The following ARFIP1 variants were observed in gnomAD, a reference collection of about 807,000 sequenced individuals.
ARFIP1 encodes the protein arfaptin-1.
A neutral mutation model predicts 42.5 loss-of-function variants in ARFIP1; 24 were observed. That is an observed-to-expected ratio of 0.57 (90% confidence interval 0.41 to 0.80). ARFIP1 has a LOEUF of 0.80. ARFIP1 is among the 30% of genes least tolerant of loss of function. ARFIP1 has a pLI of 0.00. For missense variants in ARFIP1, 354 were observed against 434.0 expected, an observed-to-expected ratio of 0.82 and a Z score of 1.64; for synonymous variants, 141 against 153.7, an observed-to-expected ratio of 0.92 and a Z score of 0.61.
At chr4:152,877,241 G>T (rs1417884174) in intron 5 of ARFIP1, among the ~76,000 whole-genome samples, 1 of 152,160 alleles carries the variant, frequency 6.6e-6, no homozygotes, top group East Asian at 1.9e-4. Flanking sequence ...TGGGAGGAAG[G>T]CTGTACCCTG....
chr4:152,880,964 G>A lies in ARFIP1; in HGVS notation c.413G>A (p.Cys138Tyr). Residue 138 changes from cysteine to tyrosine, a missense_variant and splice_region_variant, in exon 6 of 9, where the codon TGT (cysteine) becomes TAT (tyrosine). By Grantham distance (194) the Cys-to-Tyr change is radical. Coordinates refer to ENST00000353617, the MANE Select transcript of ARFIP1 (RefSeq NM_001025595.3). ...ACAAAATGCATCTTCCACTTTTAGT[G>A]TACTCGACAGATTATCTCTGAGAAG... is the stretch of plus-strand genomic sequence containing the variant. ...VRKWSLNTYKCTRQIISEKLG... is the reference protein window; with the variant it reads ...VRKWSLNTYKYTRQIISEKLG... 6.2e-7 allele frequency: 1 copy of A among 1,610,086 alleles called. No individual in the cohort carries two copies. Among genetic ancestry groups the A allele is most frequent in the Non-Finnish European group, 8.5e-7 (1 of 1,177,398 alleles).
chr4:152,862,827 G>A (rs1321239450), intron 2 of ARFIP1, among the ~76,000 whole-genome samples: 1 of 152,180 alleles, frequency 6.6e-6, no homozygotes, highest in African/African-American at 2.4e-5. Flanking sequence ...GAAGCCAGCA[G>A]ACTGTAGCCT....
At chr4:152,848,889 C>G (rs1384941228) in intron 2 of ARFIP1, among the ~76,000 whole-genome samples, 3 of 152,132 alleles carry the variant, frequency 2.0e-5, no homozygotes, top group Non-Finnish European at 4.4e-5. Flanking sequence ...TATAATGTTT[C>G]CACGTTACTC....
At chr4:152,804,842 T>A (rs989791510) in intron 1 of ARFIP1, among the ~76,000 whole-genome samples, 1 of 152,184 alleles carries the variant, frequency 6.6e-6, no homozygotes, top group Admixed American at 6.6e-5. Context: ...TGAGTACTCA[T>A]TAAATGCTAG....
chr4:152,905,494 A>AATT (rs1738239783), intron 8 of ARFIP1, among the ~76,000 whole-genome samples: 1 of 141,070 alleles, frequency 7.1e-6, no homozygotes, highest in Non-Finnish European at 1.5e-5. Flanking sequence ...TGTCTGTTCA[A>AATT]ATTTTTTACC....
chr4:152,904,169 TG>T (rs1226185188), intron 8 of ARFIP1, among the ~76,000 whole-genome samples: 9 of 32,200 alleles, frequency 2.8e-4, no homozygotes, highest in African/African-American at 1.0e-3. Flanking sequence ...TATATATATA[TG>T]TGTGTGTGTG....
At chr4:152,870,616 A>G (rs1400204954) in intron 3 of ARFIP1, 137 bp from the exon 4 acceptor site, 4 of 612,924 alleles carry the variant, frequency 6.5e-6, no homozygotes, top group Non-Finnish European at 1.1e-5. Flanking sequence ...TCCCTGAAAG[A>G]AAACAAATAT....
chr4:152,898,644 C>G (rs1322837630), intron 8 of ARFIP1, among the ~76,000 whole-genome samples: 1 of 152,108 alleles, frequency 6.6e-6, no homozygotes, highest in East Asian at 1.9e-4. Context: ...AAAATGCTAA[C>G]TTAAACATGA....
At position 152,910,327 on chromosome 4, in the gene ARFIP1, G is replaced by T; in HGVS notation, c.*108G>T. ...TGGGAGGGGTGACAAGCATTATAGT[G>T]ATTCTTGCACAAACAGCTTTAATTT... is the stretch of plus-strand genomic sequence containing the variant. On this transcript the variant is annotated 3_prime_UTR_variant, in exon 9 of 9. Coordinates refer to ENST00000353617, the MANE Select transcript of ARFIP1 (RefSeq NM_001025595.3). 1 of 1,272,368 alleles carries T rather than the reference G, an allele frequency of 7.9e-7. No homozygotes were observed. The allele number at this position is 1,272,368 out of a possible 1,614,324, so 78.8% of individuals were successfully genotyped here.
chr4:152,870,464 ATAG>A (rs1734784326), intron 3 of ARFIP1, among the ~76,000 whole-genome samples: 1 of 152,228 alleles, frequency 6.6e-6, no homozygotes, highest in African/African-American at 2.4e-5. Flanking sequence ...GATTTTGGAA[ATAG>A]TAGAGTCCAG....
chr4:152,889,946 ATT>A (rs1290706135), intron 8 of ARFIP1, among the ~76,000 whole-genome samples: 1 of 142,128 alleles, frequency 7.0e-6, no homozygotes, highest in African/African-American at 2.6e-5. Flanking sequence ...TACACTATAT[ATT>A]TTAGTCATAT....
At chr4:152,804,166 T>C (rs1417225931) in intron 1 of ARFIP1, among the ~76,000 whole-genome samples, 2 of 112,080 alleles carry the variant, frequency 1.8e-5, no homozygotes, top group South Asian at 2.5e-4. Context: ...TTATATATAA[T>C]ATAACATGTA....
chr4:152,902,333 C>T (rs141140924), intron 8 of ARFIP1, among the ~76,000 whole-genome samples: 1 of 152,158 alleles, frequency 6.6e-6, no homozygotes, highest in Non-Finnish European at 1.5e-5. Context: ...GAGACCCGGT[C>T]TCTACGGAAA....
chr4:152,863,967 A>G (rs1399079474), intron 3 of ARFIP1, among the ~76,000 whole-genome samples: 1 of 152,262 alleles, frequency 6.6e-6, no homozygotes, highest in Non-Finnish European at 1.5e-5. Context: ...CTGAAATAAA[A>G]ACAAAAATTA....
rs566197729 is a variant in ARFIP1, at chr4:152,838,304, G to A, written c.93+8578G>A. Among the ~76,000 whole-genome samples the A allele has an allele frequency of 4.5e-4, 69 of 152,174 alleles. No homozygotes were observed. The East Asian group carries it at 0.011, about 25-fold the overall frequency. On this transcript the variant is annotated intron_variant, in intron 2 of 8. Transcript: ENST00000353617. ...TTTTAGAATTGTTTTTTCTAATTCC[G>A]TGAAGAATGATGGTGGCATTTTGAT...
intron 8 of ARFIP1, among the ~76,000 whole-genome samples, chr4:152,889,033 G>C (rs139423081): frequency 2.0e-5 from 3 of 152,182 alleles, no homozygotes; most frequent in African/African-American, 7.2e-5. Context: ...TGAACAGATG[G>C]GTCTCACCAT....
chr4:152,898,278 G>A (rs1438059064), intron 8 of ARFIP1, among the ~76,000 whole-genome samples: 8 of 152,110 alleles, frequency 5.3e-5, no homozygotes, highest in African/African-American at 7.2e-5. Flanking sequence ...CACTGCGCCC[G>A]GCTGCAATGT....
chr4:152,792,081 A>C (rs1731173346), intron 1 of ARFIP1, among the ~76,000 whole-genome samples: 3 of 152,192 alleles, frequency 2.0e-5, no homozygotes, highest in Non-Finnish European at 4.4e-5. Context: ...TAGAATAATA[A>C]CTGATCTCTG....
intron 8 of ARFIP1, among the ~76,000 whole-genome samples, chr4:152,897,983 CTT>C (rs766083303): frequency 3.3e-5 from 4 of 121,480 alleles, no homozygotes; most frequent in Non-Finnish European, 3.4e-5. Context: ...TTGCAATGTT[CTT>C]TTTTTTTTTT....
Sources: gnomAD v4.1 joint callset for allele counts (sites outside exome capture counted in the v4.1 genomes callset) on GRCh38, gnomAD v4.1.1 for gene constraint, MANE v1.5 for transcripts, NCBI Gene and HGNC (gene_info 2026-07-23, HGNC 2026-07-21) for gene names.